CTPS2: variants seen among roughly 807,000 people sequenced by gnomAD.
CTPS2 encodes the protein CTP synthase II.
CTPS2 carries 19 observed loss-of-function variants against 46.8 expected under a neutral mutation model. The observed-to-expected ratio is 0.41, with a 90% confidence interval of 0.28 to 0.60. The LOEUF (loss-of-function observed/expected upper bound fraction) is 0.60, where lower values mean the gene tolerates loss of function less well. CTPS2 is among the 20% of genes least tolerant of loss of function. The pLI, the probability that CTPS2 is intolerant of heterozygous loss-of-function variation, is 0.35. For synonymous variants in CTPS2, 151 were observed against 165.2 expected (o/e 0.91, Z 0.66); for missense variants, 286 against 447.6 (o/e 0.64, Z 3.26).
chrX:16,675,453 C>T (rs1448741212), intron 10 of CTPS2, among the ~76,000 whole-genome samples: 1 of 111,793 alleles, frequency 8.9e-6, no homozygotes, highest in East Asian at 2.8e-4. Flanking sequence ...ACGAAAAGCA[C>T]TGTCAAATAT....
chrX:16,663,727 A>C (rs1168701670), intron 13 of CTPS2, among the ~76,000 whole-genome samples: 2 of 111,610 alleles, frequency 1.8e-5, no homozygotes, highest in East Asian at 5.6e-4. Flanking sequence ...GAAATGGATC[A>C]AAGTAGTTGC....
At chrX:16,677,599 T>A (rs990017905) in intron 10 of CTPS2, among the ~76,000 whole-genome samples, 8 of 111,966 alleles carry the variant, frequency 7.1e-5, no homozygotes, top group African/African-American at 1.9e-4. Context: ...TGAGACCTAC[T>A]GGACTGCATT....
intron 10 of CTPS2, among the ~76,000 whole-genome samples, chrX:16,672,881 CT>C (rs1185799196): frequency 0.023 from 1,633 of 69,536 alleles, 8 homozygotes; most frequent in South Asian, 0.091. Flanking sequence ...TGAGGCTACT[CT>C]TTTTTTTTTT....
intron 14 of CTPS2, among the ~76,000 whole-genome samples, chrX:16,630,413 C>A (rs1474928901): frequency 9.1e-6 from 1 of 109,424 alleles, no homozygotes; most frequent in Non-Finnish European, 1.9e-5. Context: ...TGCCACCACG[C>A]CTGGCTAATT....
chrX:16,605,900 GTGCCCTTGAAC>G (rs1040674545), intron 17 of CTPS2, among the ~76,000 whole-genome samples: 6 of 112,235 alleles, frequency 5.3e-5, no homozygotes, highest in Non-Finnish European at 1.1e-4. Context: ...TGAAGCTATT[GTGCCCTTGAAC>G]TGCCCACTAC....
intron 13 of CTPS2, among the ~76,000 whole-genome samples, chrX:16,657,542 A>G (rs1932849004): frequency 9.0e-6 from 1 of 111,272 alleles, no homozygotes; most frequent in Admixed American, 9.6e-5. Flanking sequence ...AGTAGAAACT[A>G]TTATCATTGG....
At chrX:16,689,722 G>A (rs753184850) in intron 7 of CTPS2, 121 bp from the exon 8 acceptor site, 28 of 557,043 alleles carry the variant, frequency 5.0e-5, no homozygotes, top group Middle Eastern at 4.6e-4. Context: ...ACACACACAC[G>A]CACACACAAA....
intron 17 of CTPS2, among the ~76,000 whole-genome samples, chrX:16,593,677 C>T (rs1397516680): frequency 1.4e-5 from 1 of 72,734 alleles, no homozygotes; most frequent in Non-Finnish European, 2.5e-5. Context: ...ACAAAAACAG[C>T]GTAGGTGGTG....
At chrX:16,625,191 G>A (rs1226852772) in intron 14 of CTPS2, among the ~76,000 whole-genome samples, 1 of 112,371 alleles carries the variant, frequency 8.9e-6, no homozygotes, top group African/African-American at 3.2e-5. Flanking sequence ...TCCACACAAT[G>A]GAATATTATT....
chrX:16,643,223 G>A (rs1298323445), intron 13 of CTPS2, among the ~76,000 whole-genome samples: 2 of 111,892 alleles, frequency 1.8e-5, no homozygotes, highest in African/African-American at 3.3e-5. Flanking sequence ...ATTCCTGACT[G>A]GACCTACCTG....
At chrX:16,621,475 T>A (rs1325850556) in intron 14 of CTPS2, among the ~76,000 whole-genome samples, 17 of 107,333 alleles carry the variant, frequency 1.6e-4, no homozygotes, top group Non-Finnish European at 2.9e-4. Context: ...ATAATAATAA[T>A]AAAAAGAATG....
chrX:16,630,116 C>T (rs1018692282), intron 14 of CTPS2, among the ~76,000 whole-genome samples: 1 of 110,859 alleles, frequency 9.0e-6, no homozygotes, highest in Non-Finnish European at 1.9e-5. Context: ...TGCATCAAAC[C>T]TCACTGTCCT....
intron 17 of CTPS2, among the ~76,000 whole-genome samples, chrX:16,591,908 C>T (rs1928922316): frequency 9.0e-6 from 1 of 111,294 alleles, no homozygotes; most frequent in African/African-American, 3.3e-5. Context: ...TACTATATTA[C>T]CATGAGATCA....
chrX:16,595,647 A>G (rs149862279), intron 17 of CTPS2, among the ~76,000 whole-genome samples: 3,459 of 111,756 alleles, frequency 0.031, 54 homozygotes, highest in Middle Eastern at 0.069. Context: ...TAAATCAGTT[A>G]AAATGAAATA....
At chrX:16,629,367 G>T (rs1253156238) in intron 14 of CTPS2, among the ~76,000 whole-genome samples, 1 of 111,904 alleles carries the variant, frequency 8.9e-6, no homozygotes, top group East Asian at 2.8e-4. Flanking sequence ...GGCAGGCGGG[G>T]AGGCTCGCCA....
intron 2 of CTPS2, among the ~76,000 whole-genome samples, chrX:16,700,180 G>T (rs1457288846): frequency 9.3e-6 from 1 of 106,986 alleles, no homozygotes; most frequent in South Asian, 4.3e-4. Context: ...GCAGTGGTGC[G>T]ATCTCGGCTC....
chrX:16,635,374 G>A (rs761530691), intron 14 of CTPS2, among the ~76,000 whole-genome samples: 6 of 111,438 alleles, frequency 5.4e-5, no homozygotes, highest in East Asian at 2.8e-4. Context: ...AAAAAAAAAC[G>A]TTCATAAAAC....
intron 17 of CTPS2, among the ~76,000 whole-genome samples, chrX:16,606,817 A>C (rs1357552985): frequency 9.0e-6 from 1 of 110,530 alleles, no homozygotes; most frequent in Non-Finnish European, 1.9e-5. Flanking sequence ...GCTGGAGTGC[A>C]GTGGTGCAAT....
chrX:16,684,964 G>A (rs922667945), intron 8 of CTPS2, among the ~76,000 whole-genome samples: 2 of 111,032 alleles, frequency 1.8e-5, no homozygotes, highest in Non-Finnish European at 3.8e-5. Flanking sequence ...GGTGGTGCAC[G>A]CCTGTAGTTC....
Sources: gnomAD v4.1 joint callset for allele counts (sites outside exome capture counted in the v4.1 genomes callset) on GRCh38, gnomAD v4.1.1 for gene constraint, MANE v1.5 for transcripts, NCBI Gene and HGNC (gene_info 2026-07-23, HGNC 2026-07-21) for gene names.